The following LRRTM4 variants were observed in gnomAD, a reference collection of about 807,000 sequenced individuals.
LRRTM4 encodes the protein leucine rich repeat transmembrane neuronal 4.
A neutral mutation model predicts 47.6 loss-of-function variants in LRRTM4; 25 were observed. That is an observed-to-expected ratio of 0.53 (90% CI 0.38 to 0.73). The LOEUF (loss-of-function observed/expected upper bound fraction) is 0.73. LRRTM4 is among the 30% of genes least tolerant of loss of function. The pLI, the probability that LRRTM4 is intolerant of heterozygous loss-of-function variation, is 0.00. For synonymous variants in LRRTM4, 311 were observed against 269.5 expected (o/e 1.15, Z -1.51); for missense variants, 638 against 713.4 (o/e 0.89, Z 1.20).
chr2:77,268,200 T>C, intron 3 of LRRTM4, among the ~76,000 whole-genome samples: 1 of 152,284 alleles, frequency 6.6e-6, no homozygotes, highest in East Asian at 1.9e-4. Context: ...AAATGCCCAC[T>C]AGACATGTGC....
intron 3 of LRRTM4, among the ~76,000 whole-genome samples, chr2:77,417,231 G>A (rs60153254): frequency 0.051 from 7,723 of 152,140 alleles, 658 homozygotes; most frequent in African/African-American, 0.18. Flanking sequence ...TCATTAAAAG[G>A]TCAGGAAACA....
chr2:77,432,413 T>C (rs1221826423), intron 3 of LRRTM4, among the ~76,000 whole-genome samples: 1 of 152,262 alleles, frequency 6.6e-6, no homozygotes, highest in Non-Finnish European at 1.5e-5. Flanking sequence ...TATGATTATG[T>C]CAAATAATTG....
chr2:77,258,349 G>C (rs965792079), intron 3 of LRRTM4, among the ~76,000 whole-genome samples: 6 of 151,956 alleles, frequency 3.9e-5, no homozygotes, highest in Non-Finnish European at 8.8e-5. Context: ...GATATTTATG[G>C]GATGCAATAG....
At chr2:76,896,487 T>C (rs1215094511) in intron 3 of LRRTM4, among the ~76,000 whole-genome samples, 1 of 151,994 alleles carries the variant, frequency 6.6e-6, no homozygotes, top group Non-Finnish European at 1.5e-5. Context: ...GCTTAAACAA[T>C]ACATGTGGCT....
chr2:76,970,739 T>C (rs865988914), intron 3 of LRRTM4, among the ~76,000 whole-genome samples: 3 of 152,194 alleles, frequency 2.0e-5, no homozygotes, highest in Middle Eastern at 3.4e-3. Flanking sequence ...TAATTAGATT[T>C]CTTTTCTACA....
chr2:77,082,962 C>A (rs927581035), intron 3 of LRRTM4, among the ~76,000 whole-genome samples: 1 of 152,016 alleles, frequency 6.6e-6, no homozygotes, highest in Admixed American at 6.5e-5. Flanking sequence ...AGATATCTCC[C>A]TAAAAGAAAA....
intron 3 of LRRTM4, among the ~76,000 whole-genome samples, chr2:77,503,894 G>A (rs1678667275): frequency 6.6e-6 from 1 of 151,656 alleles, no homozygotes; most frequent in Non-Finnish European, 1.5e-5. Flanking sequence ...ATGTGGTGAT[G>A]ATGAAGTCAG....
chr2:76,921,328 T>G (rs1348236091), intron 3 of LRRTM4, among the ~76,000 whole-genome samples: 5 of 152,092 alleles, frequency 3.3e-5, no homozygotes, highest in Non-Finnish European at 5.9e-5. Context: ...AGAAGTTCCC[T>G]TCTCAGCTAT....
At chr2:76,920,864 G>A (rs1009983534) in intron 3 of LRRTM4, among the ~76,000 whole-genome samples, 8 of 151,792 alleles carry the variant, frequency 5.3e-5, no homozygotes, top group South Asian at 2.1e-4. Flanking sequence ...TTTTCCTAGC[G>A]TCTGTCTCTG....
chr2:77,398,071 C>A (rs1299327375), intron 3 of LRRTM4, among the ~76,000 whole-genome samples: 2 of 151,812 alleles, frequency 1.3e-5, no homozygotes, highest in African/African-American at 4.8e-5. Context: ...CCCAAAAGAA[C>A]CTCCCATTTC....
intron 3 of LRRTM4, among the ~76,000 whole-genome samples, chr2:77,368,519 C>A (rs1672540266): frequency 6.6e-6 from 1 of 151,676 alleles, no homozygotes; most frequent in African/African-American, 2.4e-5. Context: ...GTTCAATATT[C>A]CTATTTACAG....
chr2:76,836,069 A>G (rs1671502803), intron 3 of LRRTM4, among the ~76,000 whole-genome samples: 2 of 152,078 alleles, frequency 1.3e-5, no homozygotes, highest in South Asian at 2.1e-4. Flanking sequence ...AGTCAAAATA[A>G]TCAGAATACC....
rs541642010 is a variant in LRRTM4 at position 77,406,709 on chromosome 2, C to A, written c.1551+111609G>T. The stretch of plus-strand genomic sequence containing the variant: ...TCATTGATAGTCACACACAACTTTG[C>A]ACAGTGCATAGATTGAACTTAAATA... On this transcript the variant is annotated intron_variant, in intron 3 of 3. Coordinates refer to ENST00000409884, the MANE Select transcript of LRRTM4 (RefSeq NM_001134745.3). Among the ~76,000 whole-genome samples, 4 of 152,196 alleles carry A rather than the reference C, an allele frequency of 2.6e-5. 1 individual carries two copies. The highest frequency in any genetic ancestry group is 2.6e-4 in the Admixed American group (4 of 15,278).
chr2:77,426,136 TC>T (rs943684827), intron 3 of LRRTM4, among the ~76,000 whole-genome samples: 1 of 150,562 alleles, frequency 6.6e-6, no homozygotes, highest in African/African-American at 2.4e-5. Flanking sequence ...AAAAAAGTCA[TC>T]CCTGATATCC....
chr2:77,306,922 T>C (rs1322497288), intron 3 of LRRTM4, among the ~76,000 whole-genome samples: 1 of 140,958 alleles, frequency 7.1e-6, no homozygotes, highest in Non-Finnish European at 1.5e-5. Flanking sequence ...TTTTTTGAGA[T>C]GGAGTCTCGC....
intron 3 of LRRTM4, among the ~76,000 whole-genome samples, chr2:77,116,395 TA>T (rs1478398136): frequency 6.6e-6 from 1 of 152,164 alleles, no homozygotes; most frequent in African/African-American, 2.4e-5. Context: ...ACATTGTATG[TA>T]GAGAAACATA....
rs1279308716 is a variant in LRRTM4, at chr2:77,407,600, CATAATATAATAT to C, written c.1551+110706_1551+110717del. ...ATACATAATATGATATATTTGTATA[CATAATATAATAT>C]ATAATATAATATATGATATATTATT... On this transcript the variant is annotated intron_variant, in intron 3 of 3. Coordinates refer to ENST00000409884, the MANE Select transcript of LRRTM4 (RefSeq NM_001134745.3). Among the ~76,000 whole-genome samples, 7 of 137,248 alleles carry C rather than the reference CATAATATAATAT, an allele frequency of 5.1e-5. 1 individual carries two copies. The highest frequency in any genetic ancestry group is 1.4e-4 in the African/African-American group (5 of 36,890). The allele number at this position is 137,248 out of a possible 152,430, so 90.0% of individuals were successfully genotyped here.
intron 3 of LRRTM4, among the ~76,000 whole-genome samples, chr2:77,239,909 C>A (rs1427250788): frequency 6.6e-6 from 1 of 151,636 alleles, no homozygotes; most frequent in Non-Finnish European, 1.5e-5. Flanking sequence ...TGTTATTCAC[C>A]TTATTAAATC....
intron 3 of LRRTM4, among the ~76,000 whole-genome samples, chr2:77,355,953 C>A (rs961194121): frequency 6.6e-6 from 1 of 152,084 alleles, no homozygotes; most frequent in Non-Finnish European, 1.5e-5. Context: ...ATTAGCTGGG[C>A]ATTATGGCAT....
Sources: gnomAD v4.1 joint callset for allele counts (sites outside exome capture counted in the v4.1 genomes callset) on GRCh38, gnomAD v4.1.1 for gene constraint, MANE v1.5 for transcripts, NCBI Gene and HGNC (gene_info 2026-07-23, HGNC 2026-07-21) for gene names.